Variants in RBFOX1 observed in about 807,000 individuals in gnomAD.
RBFOX1 encodes the protein RNA binding protein fox-1 homolog 1.
A neutral mutation model predicts 57.7 loss-of-function variants in RBFOX1; 8 were observed. That is an observed-to-expected ratio of 0.14 (90% CI 0.08 to 0.25). RBFOX1 has a LOEUF of 0.25. RBFOX1 is among the 10% of genes least tolerant of loss of function. RBFOX1 has a pLI of 1.00. For synonymous variants in RBFOX1, 326 were observed against 222.4 expected, an observed-to-expected ratio of 1.47 and a Z score of -4.15; for missense variants, 611 against 548.5, an observed-to-expected ratio of 1.11 and a Z score of -1.14.
At chr16:7,514,587 C>A (rs962145398) in intron 4 of RBFOX1, among the ~76,000 whole-genome samples, 3 of 152,060 alleles carry the variant, frequency 2.0e-5, no homozygotes, top group Non-Finnish European at 4.4e-5. Flanking sequence ...GTTTCAGCAT[C>A]AAGGAAAGCC....
chr16:5,817,224 GC>G (rs1419938331), intron 3 of RBFOX1, among the ~76,000 whole-genome samples: 1 of 152,112 alleles, frequency 6.6e-6, no homozygotes. Context: ...ACTTCTAGGA[GC>G]AGCCATGTTT....
intron 4 of RBFOX1, among the ~76,000 whole-genome samples, chr16:7,053,129 G>A (rs1049000468): frequency 6.6e-6 from 1 of 152,164 alleles, no homozygotes; most frequent in Non-Finnish European, 1.5e-5. Flanking sequence ...GCAATAATTT[G>A]TAGAGTTGCT....
chr16:5,325,777 C>T (rs888634156), intron 1 of RBFOX1, among the ~76,000 whole-genome samples: 1 of 152,232 alleles, frequency 6.6e-6, no homozygotes, highest in African/African-American at 2.4e-5. Flanking sequence ...TCCCTTTAGA[C>T]TAGTATTCCA....
chr16:6,420,715 C>G (rs960864550), intron 2 of RBFOX1, among the ~76,000 whole-genome samples: 2 of 152,212 alleles, frequency 1.3e-5, no homozygotes, highest in African/African-American at 4.8e-5. Flanking sequence ...TCACCATTCA[C>G]TTGTACAATT....
chr16:5,600,888 G>A (rs998629526), downstream of RBFOX1, among the ~76,000 whole-genome samples: 5 of 152,034 alleles, frequency 3.3e-5, no homozygotes, highest in Admixed American at 2.0e-4. Context: ...CAATGACTCC[G>A]TAAGGTGTGT....
intron 4 of RBFOX1, among the ~76,000 whole-genome samples, chr16:7,370,660 A>T (rs2097549114): frequency 6.6e-6 from 1 of 152,200 alleles, no homozygotes; most frequent in African/African-American, 2.4e-5. Flanking sequence ...GCCATCCGCT[A>T]TGATCTGATT....
intron 3 of RBFOX1, among the ~76,000 whole-genome samples, chr16:6,958,501 G>A (rs982231007): frequency 5.9e-5 from 9 of 152,122 alleles, no homozygotes; most frequent in Non-Finnish European, 1.2e-4. Context: ...TGATACAATG[G>A]TCTGTTGACT....
chr16:6,078,159 G>A (rs2095938395), intron 1 of RBFOX1, among the ~76,000 whole-genome samples: 1 of 152,134 alleles, frequency 6.6e-6, no homozygotes, highest in Non-Finnish European at 1.5e-5. Context: ...TGAACATGTG[G>A]TAACATGTAT....
rs543120947 is a variant in RBFOX1, at chr16:6,390,908, C to A, written c.-64+73851C>A. ...CAGCATGGAATGAAGTGGAGACGGG[C>A]TTGTGGGGCCGGGTTTCTCAACCTC... On this transcript the variant is annotated intron_variant, in intron 2 of 15. Transcript: ENST00000550418. Among the ~76,000 whole-genome samples, 25 of 152,186 alleles carry A rather than the reference C, an allele frequency of 1.6e-4. No homozygotes were observed. The South Asian group carries it at 5.0e-3, about 30-fold the overall frequency.
chr16:6,819,312 G>C (rs938462667), intron 3 of RBFOX1, among the ~76,000 whole-genome samples: 4 of 152,144 alleles, frequency 2.6e-5, no homozygotes, highest in Admixed American at 1.3e-4. Flanking sequence ...GCTCACTTAG[G>C]TTTGAATTAT....
At chr16:7,041,081 A>G (rs920237289) in intron 3 of RBFOX1, among the ~76,000 whole-genome samples, 1 of 94,030 alleles carries the variant, frequency 1.1e-5, no homozygotes, top group African/African-American at 5.5e-5. Context: ...ACGCCCAGCT[A>G]ATTTTTTTTT....
Position 5,815,156 on chromosome 16 carries a change from A to T in RBFOX1, c.319-52147A>T, listed in dbSNP as rs1223247319. ...CACCAGGCCTGGCTAATTTAATTTA[A>T]TTTTTTTTTTTTTTTTTTTTGTAGA... On this transcript the variant is annotated intron_variant, in intron 3 of 19. Coordinates refer to the RBFOX1 transcript ENST00000641259. Among the ~76,000 whole-genome samples the T allele has an allele frequency of 4.0e-4, 46 of 114,194 alleles. No homozygotes were observed. In the East Asian group the frequency reaches 6.6e-3, roughly 16 times the overall value. 74.9% of individuals were successfully genotyped at this position (114,194 alleles called of 152,430 possible). A position where few individuals can be genotyped will look rare whatever the true frequency, so the allele number is the denominator to read the frequency against.
chr16:5,936,868 A>C (rs1223584457), intron 4 of RBFOX1, among the ~76,000 whole-genome samples: 1 of 152,154 alleles, frequency 6.6e-6, no homozygotes, highest in African/African-American at 2.4e-5. Context: ...GGTATCAAAG[A>C]TCTCACAGAG....
At chr16:5,453,478 A>G (rs1027589306) in intron 1 of RBFOX1, among the ~76,000 whole-genome samples, 16 of 152,204 alleles carry the variant, frequency 1.1e-4, no homozygotes, top group African/African-American at 3.9e-4. Flanking sequence ...GCACTAGGGC[A>G]GCACTAGGCA....
At chr16:7,367,450 C>T (rs115675721) in intron 4 of RBFOX1, among the ~76,000 whole-genome samples, 166 of 152,266 alleles carry the variant, frequency 1.1e-3, no homozygotes, top group African/African-American at 3.7e-3. Context: ...TTGATTTGCA[C>T]TCTGTTGTTT....
intron 4 of RBFOX1, among the ~76,000 whole-genome samples, chr16:7,160,351 T>G (rs2078048029): frequency 6.6e-6 from 1 of 152,176 alleles, no homozygotes; most frequent in East Asian, 1.9e-4. Context: ...AATGAAAAAG[T>G]AAACGAATAA....
At chr16:6,387,734 T>C (rs1016375926) in intron 2 of RBFOX1, among the ~76,000 whole-genome samples, 2 of 152,134 alleles carry the variant, frequency 1.3e-5, no homozygotes, top group African/African-American at 4.8e-5. Context: ...ACCTGTCAAT[T>C]CTGCAGCCCA....
intron 1 of RBFOX1, among the ~76,000 whole-genome samples, chr16:6,312,230 A>G (rs1438639512): frequency 2.0e-5 from 3 of 152,172 alleles, no homozygotes; most frequent in African/African-American, 2.4e-5. Context: ...TTTCAGCACT[A>G]AAAGTCAGGA....
intron 2 of RBFOX1, among the ~76,000 whole-genome samples, chr16:6,393,759 A>T (rs548458593): frequency 6.6e-6 from 1 of 152,256 alleles, no homozygotes; most frequent in South Asian, 2.1e-4. Context: ...TCCTTACCTC[A>T]TCATGTTATG....
Sources: gnomAD v4.1 joint callset for allele counts (sites outside exome capture counted in the v4.1 genomes callset) on GRCh38, gnomAD v4.1.1 for gene constraint, MANE v1.5 for transcripts, NCBI Gene and HGNC (gene_info 2026-07-23, HGNC 2026-07-21) for gene names.